The following BCL11B variants were observed in gnomAD, a reference collection of about 807,000 sequenced individuals.
BCL11B encodes the protein BCL11 transcription factor B, also known as B-cell lymphoma/leukemia 11B.
A neutral mutation model predicts 49.9 loss-of-function variants in BCL11B; 8 were observed. The ratio of observed to expected loss-of-function variants is 0.16; its 90% CI spans 0.09 to 0.29. The LOEUF is 0.29. BCL11B is among the 10% of genes least tolerant of loss of function. The pLI is 1.00. For synonymous variants in BCL11B, 739 were observed against 637.4 expected, an observed-to-expected ratio of 1.16 and a Z score of -2.40; for missense variants, 1,006 against 1,351.0, an observed-to-expected ratio of 0.74 and a Z score of 4.00.
intron 3 of BCL11B, among the ~76,000 whole-genome samples, chr14:99,208,704 G>C (rs566983495): frequency 1.1e-4 from 16 of 152,316 alleles, no homozygotes; most frequent in South Asian, 2.1e-4. Context: ...GAATCCACTG[G>C]GCCCGTTGTT....
chr14:99,225,578 C>T (rs1488716071), intron 3 of BCL11B, among the ~76,000 whole-genome samples: 11 of 152,058 alleles, frequency 7.2e-5, no homozygotes, highest in Admixed American at 6.6e-4. Context: ...ATCTTATTGC[C>T]AGTGCATAAT....
intron 3 of BCL11B, among the ~76,000 whole-genome samples, chr14:99,198,349 C>T (rs1469695539): frequency 6.6e-6 from 1 of 152,220 alleles, no homozygotes; most frequent in Non-Finnish European, 1.5e-5. Flanking sequence ...AACACACAGA[C>T]ATCGAACGGC....
chr14:99,208,063 T>A (rs1237416300), intron 3 of BCL11B, among the ~76,000 whole-genome samples: 1 of 152,166 alleles, frequency 6.6e-6, no homozygotes, highest in Non-Finnish European at 1.5e-5. Flanking sequence ...GAGGCCTGGC[T>A]GGGTGGTAGC....
chr14:99,176,033 G>A lies in BCL11B; in HGVS notation c.803C>T (p.Pro268Leu), dbSNP rs1382042624. ...SLTPRLTIPP[P>L]LGPEAVAQSP... ...CTGCGCCACGGCCTCCGGCCCGAGC[G>A]GCGGCGGGATGGTGAGCCGCGGCGT... The change falls in exon 4 of 4, where the codon CCG becomes CTG. Residue 268 changes from proline to leucine, a missense_variant. By Grantham distance (98) the Pro-to-Leu change is moderately conservative. Transcript: ENST00000357195. 6.3e-7 allele frequency: 1 copy of A among 1,583,840 alleles called. No homozygotes were observed. Among genetic ancestry groups the A allele is most frequent in the East Asian group, 2.3e-5 (1 of 43,366 alleles).
intron 3 of BCL11B, among the ~76,000 whole-genome samples, chr14:99,176,420 G>A (rs982998429): frequency 6.6e-6 from 1 of 152,184 alleles, no homozygotes; most frequent in African/African-American, 2.4e-5. Context: ...CTGGCCACCC[G>A]GGCGCCAGCG....
In BCL11B at chr14:99,173,203, C is replaced by A; in HGVS notation, c.*948G>T. The A allele has an allele frequency of 4.4e-6, 1 of 229,256 alleles. No homozygotes were observed. The highest frequency in any genetic ancestry group is 8.7e-6 in the Non-Finnish European group (1 of 115,512). 14.2% of individuals were successfully genotyped at this position (229,256 alleles called of 1,614,324 possible). On this transcript the variant is annotated 3_prime_UTR_variant, in exon 4 of 4. Coordinates refer to ENST00000357195, the MANE Select transcript of BCL11B (RefSeq NM_138576.4). ...TCTCCCCAAAAAGGTACCCTCAGCC[C>A]ATTTTATGTAGCCTAATCTACAGCG...
chr14:99,253,925 C>A (rs1889082487), intron 2 of BCL11B, among the ~76,000 whole-genome samples: 1 of 152,250 alleles, frequency 6.6e-6, no homozygotes, highest in South Asian at 2.1e-4. Context: ...GCTAAAGACC[C>A]TGCCTCTGAC....
intron 3 of BCL11B, among the ~76,000 whole-genome samples, chr14:99,185,708 C>T (rs1463238603): frequency 6.6e-6 from 1 of 151,774 alleles, no homozygotes; most frequent in East Asian, 1.9e-4. Context: ...CCAGTGCAGG[C>T]CTGGCTCATT....
At chr14:99,226,279 AG>A (rs1278706719) in intron 3 of BCL11B, among the ~76,000 whole-genome samples, 1 of 152,202 alleles carries the variant, frequency 6.6e-6, no homozygotes, top group Admixed American at 6.5e-5. Flanking sequence ...TACTTTGCAA[AG>A]GGAATCCCAT....
rs1383959018 is a variant in BCL11B at position 99,241,314 on chromosome 14, G to A, written c.428-9757C>T. Among the ~76,000 whole-genome samples the A allele has an allele frequency of 3.3e-5, 5 of 151,774 alleles. No individual in the cohort carries two copies. The highest frequency in any genetic ancestry group is 1.9e-4 in the East Asian group (1 of 5,170). On this transcript the variant is annotated intron_variant, in intron 2 of 3. Transcript: ENST00000357195. This position sits in a 1 kb window ranked among gnomAD's most constrained non-coding sequence, Gnocchi z 4.4. Reference sequence around the variant, plus strand: ...AGAGCCCAGAGGCGGGGAGGCCTCCGGGGCCACTCTTACACATAAACAATC... The same window carrying A: ...AGAGCCCAGAGGCGGGGAGGCCTCCAGGGCCACTCTTACACATAAACAATC...
intron 3 of BCL11B, among the ~76,000 whole-genome samples, chr14:99,190,909 G>GT (rs576840432): frequency 1.1e-4 from 16 of 151,976 alleles, no homozygotes; most frequent in Admixed American, 2.0e-4. Context: ...CGGCCACACG[G>GT]GGGGGGTCAC....
intron 1 of BCL11B, among the ~76,000 whole-genome samples, chr14:99,266,160 G>A (rs1889476970): frequency 6.6e-6 from 1 of 152,222 alleles, no homozygotes; most frequent in Admixed American, 6.5e-5. Context: ...TTTGGGGAAC[G>A]GTGCTATTTC....
intron 3 of BCL11B, among the ~76,000 whole-genome samples, chr14:99,207,327 G>A (rs1425708064): frequency 6.6e-6 from 1 of 152,134 alleles, no homozygotes; most frequent in African/African-American, 2.4e-5. Flanking sequence ...GCACCTTGAT[G>A]AGCCTTTGCA....
At position 99,192,897 on chromosome 14, in the gene BCL11B, G is replaced by A. The variant is rs79834531; in HGVS notation, c.641-16702C>T. The stretch of plus-strand genomic sequence containing the variant: ...AATGAATGAATGAATGAATGAATGA[G>A]TGAATGAATGGATAAAAGAGTGAAT... On this transcript the variant is annotated intron_variant, in intron 3 of 3. Transcript: ENST00000357195. This position sits in a 1 kb window ranked among gnomAD's most constrained non-coding sequence, Gnocchi z 4.0. Among the ~76,000 whole-genome samples, 6 of 143,896 alleles carry A rather than the reference G, an allele frequency of 4.2e-5. No homozygotes were observed. The highest frequency in any genetic ancestry group is 1.6e-4 in the African/African-American group (6 of 38,628). 94.4% of individuals were successfully genotyped at this position (143,896 alleles called of 152,430 possible). A position where few individuals can be genotyped will look rare whatever the true frequency, so the allele number is the denominator to read the frequency against.
At chr14:99,188,143 T>C (rs550924834) in intron 3 of BCL11B, among the ~76,000 whole-genome samples, 1 of 152,374 alleles carries the variant, frequency 6.6e-6, no homozygotes, top group African/African-American at 2.4e-5. Context: ...TATGCACTTG[T>C]AAATTTGTCT....
Position 99,174,257 on chromosome 14 carries a change from T to C in BCL11B, c.2579A>G (p.Gln860Arg). ...GGTGCTGTAGACGCTGAAGGGCATCTGGCAGATGTCGCAGCGGTACACCTC... is the reference window on the plus strand; with the variant it reads ...GGTGCTGTAGACGCTGAAGGGCATCCGGCAGATGTCGCAGCGGTACACCTC... ...GKEVYRCDIC[Q>R]MPFSVYSTLE... The change falls in exon 4 of 4, where the codon CAG (glutamine) becomes CGG (arginine). Residue 860 changes from glutamine to arginine, a missense_variant. Transcript: ENST00000357195. 6.2e-7 allele frequency: 1 copy of C among 1,613,932 alleles called. No homozygotes were observed. The highest frequency in any genetic ancestry group is 8.5e-7 in the Non-Finnish European group (1 of 1,180,036).
chr14:99,217,415 C>CACAT (rs1887884226), intron 3 of BCL11B, among the ~76,000 whole-genome samples: 1 of 148,680 alleles, frequency 6.7e-6, no homozygotes, highest in Non-Finnish European at 1.5e-5. Context: ...CACACACACA[C>CACAT]ACGGCCTTTT....
intron 3 of BCL11B, among the ~76,000 whole-genome samples, chr14:99,224,006 C>T (rs1888089517): frequency 6.6e-6 from 1 of 152,254 alleles, no homozygotes; most frequent in South Asian, 2.1e-4. Context: ...ACCCCCACCA[C>T]GGTGAGTTCC....
chr14:99,196,320 T>C (rs1282289749), intron 3 of BCL11B, among the ~76,000 whole-genome samples: 1 of 152,054 alleles, frequency 6.6e-6, no homozygotes, highest in African/African-American at 2.4e-5. Context: ...AGTGTTCTGA[T>C]CATAGTGGTG....
Sources: allele counts gnomAD v4.1 joint callset (sites outside exome capture counted in the v4.1 genomes callset), GRCh38; gene constraint gnomAD v4.1.1; non-coding constraint Gnocchi (gnomAD v3.1); transcripts MANE v1.5; gene names NCBI Gene and HGNC (gene_info 2026-07-23, HGNC 2026-07-21).